The following RIT2 variants were observed in gnomAD, a reference collection of about 807,000 sequenced individuals.
The protein encoded by RIT2 is GTP-binding protein Rit2.
A neutral mutation model predicts 23.7 loss-of-function variants in RIT2; 24 were observed. The observed-to-expected ratio is 1.01, with a 90% CI of 0.73 to 1.43. The LOEUF (loss-of-function observed/expected upper bound fraction) is 1.43. Among genes scored for constraint, RIT2 ranks in the 40% most tolerant of loss-of-function variants. The probability of loss-of-function intolerance (pLI) is 0.00; values close to 1 mark genes in which losing one functional copy is unlikely to be tolerated. For missense variants in RIT2, 236 were observed against 266.9 expected, an observed-to-expected ratio of 0.88 and a Z score of 0.81; for synonymous variants, 107 against 91.1, an observed-to-expected ratio of 1.17 and a Z score of -0.99.
chr18:42,747,644 C>T (rs546389002), intron 4 of RIT2, among the ~76,000 whole-genome samples: 24 of 152,040 alleles, frequency 1.6e-4, no homozygotes, highest in South Asian at 2.1e-4. Flanking sequence ...TGAAACTATA[C>T]TATAAGGCTG....
intron 4 of RIT2, among the ~76,000 whole-genome samples, chr18:42,854,491 C>T (rs1384823091): frequency 6.6e-6 from 1 of 152,088 alleles, no homozygotes; most frequent in East Asian, 1.9e-4. Context: ...AGGTTTTAAG[C>T]CTCCTTCCAT....
At chr18:43,069,835 C>T (rs1233749845) in intron 1 of RIT2, among the ~76,000 whole-genome samples, 1 of 152,070 alleles carries the variant, frequency 6.6e-6, no homozygotes, top group African/African-American at 2.4e-5. Context: ...CTTCAGTTCT[C>T]AGCACAGATG....
chr18:42,778,668 C>T (rs567114186), intron 4 of RIT2, among the ~76,000 whole-genome samples: 2 of 136,674 alleles, frequency 1.5e-5, no homozygotes, highest in Admixed American at 7.9e-5. Context: ...CTCTATTACC[C>T]ACCACATGAT....
chr18:43,033,069 A>T (rs1911895526), intron 2 of RIT2, among the ~76,000 whole-genome samples: 1 of 152,166 alleles, frequency 6.6e-6, no homozygotes, highest in South Asian at 2.1e-4. Context: ...ATAATGCTTG[A>T]TGTGTTTTTA....
chr18:43,040,228 A>G (rs571044830), intron 1 of RIT2, among the ~76,000 whole-genome samples: 3 of 152,344 alleles, frequency 2.0e-5, no homozygotes, highest in African/African-American at 7.2e-5. Flanking sequence ...ATCCTGAATC[A>G]GAAAATTAAG....
intron 2 of RIT2, among the ~76,000 whole-genome samples, chr18:42,990,444 A>G (rs1405593751): frequency 6.6e-6 from 1 of 152,198 alleles, no homozygotes; most frequent in Non-Finnish European, 1.5e-5. Flanking sequence ...GATCTGATGT[A>G]TAAAATTAAC....
At chr18:42,914,304 G>A (rs1235106547) in intron 4 of RIT2, among the ~76,000 whole-genome samples, 1 of 152,000 alleles carries the variant, frequency 6.6e-6, no homozygotes, top group Non-Finnish European at 1.5e-5. Context: ...ATTTATTCTA[G>A]AGAATTAAAA....
chr18:42,751,649 G>A (rs1913048851), intron 4 of RIT2, among the ~76,000 whole-genome samples: 5 of 151,944 alleles, frequency 3.3e-5, no homozygotes, highest in Admixed American at 2.6e-4. Context: ...ACTTTGATAA[G>A]TAATGTAGGA....
At chr18:42,938,881 G>C in intron 3 of RIT2, among the ~76,000 whole-genome samples, 1 of 152,040 alleles carries the variant, frequency 6.6e-6, no homozygotes, top group East Asian at 1.9e-4. Flanking sequence ...TAGGACTACA[G>C]TCATGTGCCA....
At chr18:42,958,462 A>G (rs1376285065) in intron 3 of RIT2, among the ~76,000 whole-genome samples, 1 of 152,108 alleles carries the variant, frequency 6.6e-6, no homozygotes, top group Non-Finnish European at 1.5e-5. Flanking sequence ...GGCAGCCACA[A>G]ATTAGCTAAT....
chr18:43,033,770 G>A, intron 2 of RIT2, 41 bp downstream of exon 2: 5 of 1,378,822 alleles, frequency 3.6e-6, no homozygotes, highest in Non-Finnish European at 5.1e-6. Flanking sequence ...TAGTCACAGT[G>A]TCTTTATTTG....
At chr18:42,831,170 C>A (rs192487588) in intron 4 of RIT2, among the ~76,000 whole-genome samples, 203 of 152,268 alleles carry the variant, frequency 1.3e-3, no homozygotes, top group African/African-American at 4.6e-3. Context: ...AATGAGTGTG[C>A]TTGATAGTTA....
intron 1 of RIT2, among the ~76,000 whole-genome samples, chr18:43,099,169 C>A (rs1913624593): frequency 6.6e-6 from 1 of 152,000 alleles, no homozygotes; most frequent in Non-Finnish European, 1.5e-5. Flanking sequence ...CTCTCTTTGC[C>A]TTTCTGAAGG....
At chr18:42,953,502 A>G (rs992164904) in intron 3 of RIT2, among the ~76,000 whole-genome samples, 10 of 152,176 alleles carry the variant, frequency 6.6e-5, no homozygotes, top group African/African-American at 2.2e-4. Context: ...AGGCATTTGT[A>G]GAGAAGCCAG....
intron 2 of RIT2, among the ~76,000 whole-genome samples, chr18:43,028,772 A>C (rs1911789240): frequency 6.6e-6 from 1 of 151,874 alleles, no homozygotes; most frequent in Non-Finnish European, 1.5e-5. Flanking sequence ...AAATATATAA[A>C]TGACTCCTAA....
At chr18:43,028,531 T>C (rs1911783880) in intron 2 of RIT2, among the ~76,000 whole-genome samples, 1 of 152,086 alleles carries the variant, frequency 6.6e-6, no homozygotes, top group Admixed American at 6.6e-5. Context: ...ATACGAATTA[T>C]CTTTCTATTG....
intron 4 of RIT2, among the ~76,000 whole-genome samples, chr18:42,878,156 G>C (rs149848415): frequency 2.9e-4 from 43 of 150,840 alleles, no homozygotes; most frequent in African/African-American, 8.0e-4. Context: ...CCAATGCAAG[G>C]GTTGGGGCAC....
At chr18:42,751,776 T>C (rs1406273186) in intron 4 of RIT2, among the ~76,000 whole-genome samples, 1 of 152,076 alleles carries the variant, frequency 6.6e-6, no homozygotes, top group Admixed American at 6.6e-5. Flanking sequence ...TCACATTTGC[T>C]ATAATATCTA....
chr18:43,082,377 A>G (rs1054219788), intron 1 of RIT2, among the ~76,000 whole-genome samples: 35 of 152,182 alleles, frequency 2.3e-4, no homozygotes, highest in African/African-American at 7.7e-4. Flanking sequence ...AAGTCATTAT[A>G]TGAGGCCAGC....
Sources: gnomAD v4.1 joint callset for allele counts (sites outside exome capture counted in the v4.1 genomes callset) on GRCh38, gnomAD v4.1.1 for gene constraint, MANE v1.5 for transcripts, NCBI Gene and HGNC (gene_info 2026-07-23, HGNC 2026-07-21) for gene names.